Variants in PKD1 observed in about 807,000 individuals in gnomAD.
PKD1 encodes the protein polycystin 1, transient receptor potential channel interacting.
PKD1 carries 81 observed loss-of-function variants against 361.7 expected under a neutral mutation model. The ratio of observed to expected loss-of-function variants is 0.22; its 90% confidence interval spans 0.19 to 0.27. The LOEUF (loss-of-function observed/expected upper bound fraction) is 0.27. Among genes scored for constraint, PKD1 ranks in the 10% least tolerant of loss-of-function variants. PKD1 has a pLI of 1.00. For missense variants in PKD1, 6,399 were observed against 6,118.3 expected (o/e 1.05, Z -1.53); for synonymous variants, 3,615 against 2,818.3 (o/e 1.28, Z -8.95).
rs567995837 is a variant in PKD1, at chr16:2,109,224, C to A, written c.5943G>T (p.Glu1981Asp). The A allele has an allele frequency of 1.9e-5, 30 of 1,591,932 alleles. No homozygotes were observed. The East Asian group carries it at 6.1e-4, about 32-fold the overall frequency. ...TCTCAGTGCCCGTGGCGATGCCAGG[C>A]TCGCAGCAGTTGGGCACCTGCAGCC... ...VSGLQVPNCCEPGIATGTERN... is the reference protein window; with the variant it reads ...VSGLQVPNCCDPGIATGTERN... The change falls in exon 15 of 46, where the codon GAG (glutamate) becomes GAT (aspartate). Residue 1981 changes from glutamate to aspartate, a missense_variant. Coordinates refer to ENST00000262304, the MANE Select transcript of PKD1 (RefSeq NM_001009944.3).
intron 10 of PKD1, 157 bp downstream of exon 10, chr16:2,115,221 G>A: frequency 1.8e-6 from 1 of 563,144 alleles, no homozygotes; most frequent in Non-Finnish European, 2.3e-6. Flanking sequence ...CTGGGAGAGG[G>A]CCGAGGGCAC....
chr16:2,089,206 C>T lies in PKD1; in HGVS notation c.*521G>A, dbSNP rs1276450855. 5 of 175,294 alleles carry T rather than the reference C, an allele frequency of 2.9e-5. No individual in the cohort carries two copies. Among genetic ancestry groups the T allele is most frequent in the Admixed American group, 1.6e-4 (3 of 18,282 alleles). 10.9% of individuals were successfully genotyped at this position (175,294 alleles called of 1,614,324 possible). A position where few individuals can be genotyped will look rare whatever the true frequency, so the allele number is the denominator to read the frequency against. ...CAGCAGGTGTTGGGGGAGGCCAGCT[C>T]TGGGCGCAGGCCCCTCAGCCCTAGT... On this transcript the variant is annotated 3_prime_UTR_variant, in exon 46 of 46. Coordinates refer to ENST00000262304, the MANE Select transcript of PKD1 (RefSeq NM_001009944.3).
At chr16:2,101,814 G>A (rs1487515182) in intron 26 of PKD1, 9 of 600,636 alleles carry the variant, frequency 1.5e-5, no homozygotes, top group South Asian at 1.2e-4. Flanking sequence ...GTGGGGCCAC[G>A]CTACTGTGCA....
chr16:2,100,100 G>A lies in PKD1; in HGVS notation c.9713-29C>T. 6.2e-6 allele frequency: 10 copies of A among 1,604,790 alleles called. No homozygotes were observed. Among genetic ancestry groups the A allele is most frequent in the Non-Finnish European group, 8.5e-6 (10 of 1,176,364 alleles). On this transcript the variant is annotated intron_variant, in intron 28 of 45. Coordinates refer to ENST00000262304, the MANE Select transcript of PKD1 (RefSeq NM_001009944.3). This position sits in a 1 kb window ranked among gnomAD's most constrained non-coding sequence, Gnocchi z 4.4. ...GAAGGCAGGGAGGGCCGCACTGCAGGAGGCCACGGGGCAGGACCACCCTGC... is the reference window on the plus strand; with the variant it reads ...GAAGGCAGGGAGGGCCGCACTGCAGAAGGCCACGGGGCAGGACCACCCTGC...
chr16:2,090,629 G>C, intron 44 of PKD1, 39 bp from the exon 45 acceptor site: 1 of 1,609,608 alleles, frequency 6.2e-7, no homozygotes, highest in South Asian at 1.1e-5. Flanking sequence ...GTACAGCTGA[G>C]CTGAGCTGAG....
In PKD1 at chr16:2,116,259, G is replaced by C. The variant is rs548774877; in HGVS notation, c.1723-141C>G. ...CCCACAGGCCTGGCTCCTGTCGCTC[G>C]AGAGGAAGACTCCGGTGGAAACTGT... On this transcript the variant is annotated intron_variant, in intron 8 of 45. Coordinates refer to ENST00000262304, the MANE Select transcript of PKD1 (RefSeq NM_001009944.3). 1.0e-5 allele frequency: 9 copies of C among 903,672 alleles called. 1 individual carries two copies. The highest frequency in any genetic ancestry group is 8.5e-5 in the South Asian group (6 of 70,758). The allele number at this position is 903,672 out of a possible 1,614,324, so 56.0% of individuals were successfully genotyped here. A position where few individuals can be genotyped will look rare whatever the true frequency, so the allele number is the denominator to read the frequency against.
intron 34 of PKD1, chr16:2,094,592 G>A (rs879938964): frequency 7.1e-5 from 24 of 339,526 alleles, no homozygotes; most frequent in East Asian, 6.0e-4. Flanking sequence ...ATCTAGAGAC[G>A]CCAGTGTGTC....
chr16:2,090,342 C>T lies in PKD1; in HGVS notation c.12387G>A (p.Met4129Ile), dbSNP rs750629950. Residue 4129 changes from methionine to isoleucine, a missense_variant, in exon 45 of 46, where the codon ATG (methionine) becomes ATA (isoleucine). Met to Ile is a conservative substitution (Grantham distance 10, BLOSUM62 1). Coordinates refer to ENST00000262304, the MANE Select transcript of PKD1 (RefSeq NM_001009944.3). ...RPAWEPQDYE[M>I]VELFLRRLRL... is the part of the protein sequence containing the mutation. ...GCAGCCTGCGCAGGAACAACTCCAC[C>T]ATCTCGTAGTCCTGGGGCTCCCAGG... 3.1e-6 allele frequency: 5 copies of T among 1,612,302 alleles called. 1 individual carries two copies. The highest frequency in any genetic ancestry group is 2.7e-5 in the African/African-American group (2 of 74,920).
chr16:2,095,670 A>G (rs2091816361), intron 34 of PKD1, among the ~76,000 whole-genome samples: 5 of 152,356 alleles, frequency 3.3e-5, no homozygotes, highest in Admixed American at 2.6e-4. Context: ...GGAAGGACGC[A>G]GAGGGGTCCA....
Position 2,110,695 on chromosome 16 carries a change from C to A in PKD1, c.4472G>T (p.Gly1491Val), listed in dbSNP as rs376028977. ...LQQPYLFSAV[G>V]RGRPASYLWD... is the part of the protein sequence containing the mutation. ...CAGGTAGCTGGCGGGGCGCCCACGG[C>A]CCACAGCAGAGAACAGGTACGGCTG... Residue 1491 changes from glycine to valine, a missense_variant, in exon 15 of 46, where the codon GGC becomes GTC. Coordinates refer to ENST00000262304, the MANE Select transcript of PKD1 (RefSeq NM_001009944.3). The A allele has an allele frequency of 6.8e-6, 11 of 1,610,374 alleles. No individual in the cohort carries two copies. The highest frequency in any genetic ancestry group is 4.0e-5 in the African/African-American group (3 of 74,866).
At position 2,106,020 on chromosome 16, in the gene PKD1, A is replaced by C. The variant is rs28575767; in HGVS notation, c.7708T>G (p.Leu2570Val). The part of the protein sequence containing the change: ...GAAVVALNRS[L>V]AITLPEPNGS... Reference sequence around the variant, plus strand: ...TTGGGCTCTGGGAGGGTGATGGCCAAAGACCTACGAGCAGAGGGGGGTGGT... The same window carrying C: ...TTGGGCTCTGGGAGGGTGATGGCCACAGACCTACGAGCAGAGGGGGGTGGT... Residue 2570 changes from leucine (L) to valine (V), a missense_variant, in exon 20 of 46, where the codon TTG (leucine) becomes GTG (valine). Physicochemically the swap from Leu to Val is conservative, Grantham distance 32. Transcript: ENST00000262304. This position sits in a 1 kb window ranked among gnomAD's most constrained non-coding sequence, Gnocchi z 6.5. The C allele has an allele frequency of 2.8e-5, 44 of 1,596,662 alleles. No individual in the cohort carries two copies. The highest frequency in any genetic ancestry group is 8.4e-5 in the Admixed American group (5 of 59,866).
At position 2,110,546 on chromosome 16, in the gene PKD1, T is replaced by C. The variant is rs757606513; in HGVS notation, c.4621A>G (p.Asn1541Asp). 4.3e-6 allele frequency: 7 copies of C among 1,611,626 alleles called. No individual in the cohort carries two copies. The highest frequency in any genetic ancestry group is 1.1e-5 in the South Asian group (1 of 91,040). ...CGCACGCGCCGCTTCACCGTCACAT[T>C]GAGCCAGGCCTCGCTGCGGCTCACC... ...NEVSRSEAWL[N>D]VTVKRRVRGL... Residue 1541 changes from asparagine to aspartate, a missense_variant, in exon 15 of 46, where the codon AAT (asparagine) becomes GAT (aspartate). By Grantham distance (23) the Asn-to-Asp change is conservative. Coordinates refer to ENST00000262304, the MANE Select transcript of PKD1 (RefSeq NM_001009944.3).
Position 2,091,144 on chromosome 16 carries a change from C to T in PKD1, c.11743G>A (p.Ala3915Thr). The change falls in exon 43 of 46, where the codon GCC (alanine) becomes ACC (threonine). Residue 3915 changes from alanine (A) to threonine (T), a missense_variant. Coordinates refer to ENST00000262304, the MANE Select transcript of PKD1 (RefSeq NM_001009944.3). ...TGCCAAGTACGGGCCTCGGCCACGG[C>T]GAAGTGCACGGCGAACAGCAGCAGG... The part of the protein sequence containing the change: ...VCLLLFAVHF[A>T]VAEARTWHRE... The T allele has an allele frequency of 6.8e-7, 1 of 1,477,326 alleles. No homozygotes were observed. Among genetic ancestry groups the T allele is most frequent in the Non-Finnish European group, 8.9e-7 (1 of 1,122,028 alleles). 91.5% of individuals were successfully genotyped at this position (1,477,326 alleles called of 1,614,324 possible).
rs756529331 is a variant in PKD1 at position 2,106,374 on chromosome 16, C to G, written c.7489+24G>C. ...CACAGAGTCGGGGGATCCCGCTGCT[C>G]CCCCCACGCAGGCCTGCACTCACCC... On this transcript the variant is annotated intron_variant, in intron 18 of 45. Transcript: ENST00000262304. This position sits in a 1 kb window ranked among gnomAD's most constrained non-coding sequence, Gnocchi z 6.5. The G allele has an allele frequency of 6.3e-7, 1 of 1,594,318 alleles. No individual in the cohort carries two copies. Among genetic ancestry groups the G allele is most frequent in the African/African-American group, 1.3e-5 (1 of 74,632 alleles).
intron 8 of PKD1, 187 bp from the exon 9 acceptor site, chr16:2,116,305 GACCTGCCTTTCAGGAATA>G: frequency 1.4e-6 from 1 of 700,536 alleles, no homozygotes. Flanking sequence ...CAGGACCCCT[GACCTGCCTTTCAGGAATA>G]ACTCACACAC....
Position 2,090,923 on chromosome 16 carries a change from A to C in PKD1, c.11964T>G (p.Arg3988=), listed in dbSNP as rs1173039496. ...DQVAQLSSAA[R]GLAASLLFLL... ...GGAAGAGCAGCGAGGCCGCCAGGCCACGGGCTGCGGAGCTCAGCTGCGCCA... is the reference window on the plus strand; with the variant it reads ...GGAAGAGCAGCGAGGCCGCCAGGCCCCGGGCTGCGGAGCTCAGCTGCGCCA... The change falls in exon 43 of 46, where the codon CGT becomes CGG. Residue 3988 remains arginine, a synonymous_variant. Transcript: ENST00000262304. 1 of 1,584,548 alleles carries C rather than the reference A, an allele frequency of 6.3e-7. No individual in the cohort carries two copies. Among genetic ancestry groups the C allele is most frequent in the Non-Finnish European group, 8.5e-7 (1 of 1,172,136 alleles).
At chr16:2,092,241 G>C (rs1192983439) in intron 39 of PKD1, 53 bp from the exon 40 acceptor site, 1 of 1,535,422 alleles carries the variant, frequency 6.5e-7, no homozygotes, top group Non-Finnish European at 8.8e-7. Flanking sequence ...AAACCCAACA[G>C]GAGTGTTTCC....
chr16:2,117,220 C>T (rs1357949974), intron 6 of PKD1, among the ~76,000 whole-genome samples, 167 bp from the exon 7 acceptor site: 1 of 152,206 alleles, frequency 6.6e-6, no homozygotes, highest in Non-Finnish European at 1.5e-5. Context: ...GCAGCACCCA[C>T]CCACGGGGCC....
At chr16:2,103,962 G>A in intron 22 of PKD1, 67 bp from the exon 23 acceptor site, 1 of 858,174 alleles carries the variant, frequency 1.2e-6, no homozygotes. Flanking sequence ...AGGCAAAAAG[G>A]GGGAGCCGGA....
Sources: allele counts gnomAD v4.1 joint callset (sites outside exome capture counted in the v4.1 genomes callset), GRCh38; gene constraint gnomAD v4.1.1; non-coding constraint Gnocchi (gnomAD v3.1); transcripts MANE v1.5; gene names NCBI Gene and HGNC (gene_info 2026-07-23, HGNC 2026-07-21).